SCN1A: variants seen among roughly 807,000 people sequenced by gnomAD.
SCN1A encodes the protein sodium voltage-gated channel alpha subunit 1, also known as sodium channel protein type 1 subunit alpha.
SCN1A carries 13 observed loss-of-function variants against 193.7 expected under a neutral mutation model. That is an observed-to-expected ratio of 0.07 (90% CI 0.04 to 0.11). SCN1A has a LOEUF of 0.11. SCN1A is among the 10% of genes least tolerant of loss of function. The probability of loss-of-function intolerance (pLI) is 1.00; values close to 1 mark genes in which losing one functional copy is unlikely to be tolerated. For synonymous variants in SCN1A, 781 were observed against 843.6 expected (o/e 0.93, Z 1.29); for missense variants, 1,432 against 2,451.1 (o/e 0.58, Z 8.78).
chr2:166,027,388 C>G (rs1317724423), intron 19 of SCN1A, among the ~76,000 whole-genome samples: 1 of 151,972 alleles, frequency 6.6e-6, no homozygotes, highest in Non-Finnish European at 1.5e-5. Flanking sequence ...TGATTAAATG[C>G]TTTTTTTCTT....
intron 2 of SCN1A, among the ~76,000 whole-genome samples, chr2:166,098,768 G>A (rs542835749): frequency 1.1e-4 from 16 of 152,002 alleles, no homozygotes; most frequent in Non-Finnish European, 1.6e-4. Flanking sequence ...CGATAGCCAC[G>A]AAAAGTATAA....
Position 166,043,478 on chromosome 2 carries a change from T to C in SCN1A, c.2043+191A>G, listed in dbSNP as rs564980141. On this transcript the variant is annotated intron_variant, in intron 14 of 28. Transcript: ENST00000674923. ...TTAGCACTTTTAATAAGTAAATGCATTCAGGTTTGTGCAGGAGACTGCTAA... is the reference window on the plus strand; with the variant it reads ...TTAGCACTTTTAATAAGTAAATGCACTCAGGTTTGTGCAGGAGACTGCTAA... Among the ~76,000 whole-genome samples, 8 of 152,314 alleles carry C rather than the reference T, an allele frequency of 5.3e-5. No individual in the cohort carries two copies. The East Asian group carries it at 1.4e-3, about 26-fold the overall frequency.
Position 165,990,551 on chromosome 2 carries a change from T to A in SCN1A, c.*694A>T, listed in dbSNP as rs1370835492. On this transcript the variant is annotated 3_prime_UTR_variant, in exon 29 of 29. Transcript: ENST00000674923. ...ATCTACTTGGTCTAGGGGCTGGATT[T>A]CGCAAAACAAGATCAACAAAGCACC... The A allele has an allele frequency of 1.3e-5, 2 of 152,648 alleles. No homozygotes were observed. Among genetic ancestry groups the A allele is most frequent in the Non-Finnish European group, 2.9e-5 (2 of 68,094 alleles). 9.5% of individuals were successfully genotyped at this position (152,648 alleles called of 1,614,324 possible).
At chr2:166,131,394 G>A (rs917194630), upstream of SCN1A, among the ~76,000 whole-genome samples, 2 of 148,550 alleles carry the variant, frequency 1.3e-5, no homozygotes, top group East Asian at 1.9e-4. Flanking sequence ...GTCTCTGTAA[G>A]ACTCCGTCTC....
chr2:166,091,090 C>T (rs895355952), intron 2 of SCN1A, among the ~76,000 whole-genome samples: 1 of 152,188 alleles, frequency 6.6e-6, no homozygotes, highest in Non-Finnish European at 1.5e-5. Flanking sequence ...GGAAAGAGAA[C>T]TACACAGCTG....
At chr2:166,036,737 C>G (rs1265561899) in intron 18 of SCN1A, among the ~76,000 whole-genome samples, 1 of 152,266 alleles carries the variant, frequency 6.6e-6, no homozygotes, top group East Asian at 1.9e-4. Context: ...GACATGATTT[C>G]TGTTGCTCTC....
rs147513372 is a variant in SCN1A at position 166,000,005 on chromosome 2, A to G, written c.4285-229T>C. On this transcript the variant is annotated intron_variant, in intron 24 of 28. Coordinates refer to ENST00000674923, the MANE Select transcript of SCN1A (RefSeq NM_001165963.4). ...TGATATATCCTCCCCTTGATAACCA[A>G]CTCACAAGCACTTTTCAATTCTTTA... The G allele has an allele frequency of 4.7e-4, 257 of 545,820 alleles. 1 individual carries two copies. Among genetic ancestry groups the G allele is most frequent in the African/African-American group, 4.4e-3 (232 of 52,642 alleles). The allele number at this position is 545,820 out of a possible 1,614,324, so 33.8% of individuals were successfully genotyped here.
intron 4 of SCN1A, among the ~76,000 whole-genome samples, chr2:166,071,251 G>A (rs1210425795): frequency 2.0e-5 from 3 of 152,142 alleles, no homozygotes; most frequent in Non-Finnish European, 4.4e-5. Context: ...AGTTTGTTTA[G>A]TTTGGGCTTT....
At chr2:166,120,596 CTTTTTTTTTTT>C (rs57044851) in intron 2 of SCN1A, among the ~76,000 whole-genome samples, 30 of 72,480 alleles carry the variant, frequency 4.1e-4, no homozygotes, top group Non-Finnish European at 5.8e-4. Context: ...TTTCTTTTCT[CTTTTTTTTTTT>C]TTTTTTTTTT....
At chr2:166,059,105 C>A (rs150667686) in intron 4 of SCN1A, among the ~76,000 whole-genome samples, 5 of 152,008 alleles carry the variant, frequency 3.3e-5, no homozygotes, top group African/African-American at 1.2e-4. Context: ...TCCTGTGGAA[C>A]GCAAAATCAT....
rs74655577 is a variant in SCN1A at position 166,051,678 on chromosome 2, A to T, written c.964+41T>A. 3.7e-3 allele frequency: 5,468 copies of T among 1,482,614 alleles called. 179 individuals carry two copies. The African/African-American group carries it at 0.066, about 18-fold the overall frequency. The allele number at this position is 1,482,614 out of a possible 1,614,324, so 91.8% of individuals were successfully genotyped here. A position where few individuals can be genotyped will look rare whatever the true frequency, so the allele number is the denominator to read the frequency against. ...TATCCTTTGTGTTACAAACAATCCA[A>T]TTCTACTTTTTAAGGAAATGTACAT... On this transcript the variant is annotated intron_variant, in intron 9 of 28. Coordinates refer to ENST00000674923, the MANE Select transcript of SCN1A (RefSeq NM_001165963.4).
chr2:166,045,388 G>T, intron 12 of SCN1A, 61 bp from the exon 13 acceptor site: 1 of 739,424 alleles, frequency 1.4e-6, no homozygotes, highest in East Asian at 3.4e-5. Flanking sequence ...TTCTTTGAAA[G>T]GGCTGAAGTA....
chr2:166,031,703 G>A (rs1022437105), intron 19 of SCN1A, among the ~76,000 whole-genome samples: 18 of 151,986 alleles, frequency 1.2e-4, no homozygotes, highest in African/African-American at 4.1e-4. Context: ...AATGCAACTG[G>A]TAACAATAAT....
chr2:166,020,327 A>T (rs507193), intron 19 of SCN1A, among the ~76,000 whole-genome samples: 40,056 of 151,970 alleles, frequency 0.26, 5,590 homozygotes, highest in Middle Eastern at 0.48. Flanking sequence ...TACAGGGACT[A>T]CTTTGGGCAT....
At chr2:166,103,148 T>C (rs577894551) in intron 2 of SCN1A, among the ~76,000 whole-genome samples, 3 of 152,102 alleles carry the variant, frequency 2.0e-5, no homozygotes, top group African/African-American at 7.2e-5. Flanking sequence ...AATAGCAATA[T>C]ATTATAATAT....
intron 1 of SCN1A, among the ~76,000 whole-genome samples, chr2:166,134,448 A>G (rs1691776590): frequency 6.6e-6 from 1 of 152,228 alleles, no homozygotes; most frequent in South Asian, 2.1e-4. Context: ...GATGAAGGGT[A>G]TGAATGCAGT....
chr2:166,011,886 G>C (rs935744121), intron 22 of SCN1A, among the ~76,000 whole-genome samples: 1 of 151,160 alleles, frequency 6.6e-6, no homozygotes, highest in Non-Finnish European at 1.5e-5. Flanking sequence ...AGCTTTCTCA[G>C]ATAACTAGAG....
At chr2:166,115,751 A>G (rs1201477290) in intron 2 of SCN1A, among the ~76,000 whole-genome samples, 2 of 152,198 alleles carry the variant, frequency 1.3e-5, no homozygotes, top group Non-Finnish European at 2.9e-5. Flanking sequence ...GAGAACCTAG[A>G]CACCGAAAAC....
At chr2:166,136,049 C>T (rs1460183050) in intron 1 of SCN1A, among the ~76,000 whole-genome samples, 2 of 152,196 alleles carry the variant, frequency 1.3e-5, no homozygotes, top group Admixed American at 1.3e-4. Flanking sequence ...ACCACTTTGT[C>T]TCAACATTTT....
Sources: gnomAD v4.1 joint callset for allele counts (sites outside exome capture counted in the v4.1 genomes callset) on GRCh38, gnomAD v4.1.1 for gene constraint, MANE v1.5 for transcripts, NCBI Gene and HGNC (gene_info 2026-07-23, HGNC 2026-07-21) for gene names.